The following TRAF2 variants were observed in gnomAD, a reference collection of about 807,000 sequenced individuals.
TRAF2 encodes TNF receptor associated factor 2.
TRAF2 carries 6 observed loss-of-function variants against 55.6 expected under a neutral mutation model. The observed-to-expected ratio is 0.11, with a 90% CI of 0.06 to 0.21. The LOEUF (loss-of-function observed/expected upper bound fraction) is 0.21, where lower values mean the gene tolerates loss of function less well. Among genes scored for constraint, TRAF2 ranks in the 10% least tolerant of loss-of-function variants. The pLI is 1.00. For synonymous variants in TRAF2, 329 were observed against 276.3 expected, an observed-to-expected ratio of 1.19 and a Z score of -1.89; for missense variants, 561 against 684.5, an observed-to-expected ratio of 0.82 and a Z score of 2.01.
chr9:136,882,140 T>C, upstream of TRAF2: 2 of 757,618 alleles, frequency 2.6e-6, no homozygotes, highest in Non-Finnish European at 3.2e-6. Flanking sequence ...ATGTGCAAGC[T>C]GGGCTCTGTC....
Position 136,923,943 on chromosome 9 carries a change from C to T in TRAF2, c.1230C>T (p.Phe410=), listed in dbSNP as rs1466008151. 3 of 1,613,924 alleles carry T rather than the reference C, an allele frequency of 1.9e-6. No individual in the cohort carries two copies. Among genetic ancestry groups the T allele is most frequent in the Admixed American group, 3.3e-5 (2 of 60,004 alleles). The change falls in exon 10 of 11, where the codon TTC becomes TTT. Residue 410 remains phenylalanine (F), a synonymous_variant. Transcript: ENST00000247668. ...GGCGAGGAACACACCTGTCCCTCTT[C>T]TTTGTGGTGATGAAGGGCCCGAATG... ...GTGRGTHLSL[F]FVVMKGPNDA... is the part of the protein sequence containing the mutation.
intron 7 of TRAF2, among the ~76,000 whole-genome samples, chr9:136,917,985 G>A (rs1487610456): frequency 4.6e-5 from 7 of 151,904 alleles, no homozygotes; most frequent in African/African-American, 9.7e-5. Flanking sequence ...CTCGCTTCCC[G>A]TTTGCACAAA....
intron 4 of TRAF2, among the ~76,000 whole-genome samples, chr9:136,903,417 CGGAAAGGCCA>C (rs1314041807): frequency 3.3e-5 from 5 of 152,052 alleles, no homozygotes; most frequent in African/African-American, 1.2e-4. Context: ...GCACGAGCAG[CGGAAAGGCCA>C]GGAAAAGCCA....
rs767051080 is a variant in TRAF2 at position 136,925,822 on chromosome 9, C to T, written c.1427C>T (p.Ser476Phe). ...ASGCPLFCPV[S>F]KMEAKNSYVR... is the part of the protein sequence containing the mutation. ...GGCTGCCCCCTCTTCTGCCCCGTCT[C>T]CAAGATGGAGGCAAAGAATTCCTAC... The change falls in exon 11 of 11, where the codon TCC becomes TTC. Residue 476 changes from serine (S) to phenylalanine (F), a missense_variant. Coordinates refer to ENST00000247668, the MANE Select transcript of TRAF2 (RefSeq NM_021138.4). The T allele has an allele frequency of 1.1e-5, 17 of 1,614,144 alleles. No homozygotes were observed. The highest frequency in any genetic ancestry group is 1.4e-5 in the Non-Finnish European group (16 of 1,180,054).
chr9:136,926,454 C>T lies in TRAF2; in HGVS notation c.*553C>T. 3 of 222,060 alleles carry T rather than the reference C, an allele frequency of 1.4e-5. No individual in the cohort carries two copies. The highest frequency in any genetic ancestry group is 2.7e-5 in the Non-Finnish European group (3 of 112,836). The allele number at this position is 222,060 out of a possible 1,614,324, so 13.8% of individuals were successfully genotyped here. A position where few individuals can be genotyped will look rare whatever the true frequency, so the allele number is the denominator to read the frequency against. On this transcript the variant is annotated 3_prime_UTR_variant, in exon 11 of 11. Coordinates refer to ENST00000247668, the MANE Select transcript of TRAF2 (RefSeq NM_021138.4). ...TGTCTGCACAGAGCTCTGGTCTGTG[C>T]CACCTTGGCCAGGCTGGCTGTGGGA...
In TRAF2 at chr9:136,921,027, G is replaced by A. The variant is rs1267867800; in HGVS notation, c.961-11G>A. ...TCCTGTAAGAGGGAAGGTGGTCTTG[G>A]CACCCGGCAGGTGCAGCAGCTGGAG... is the stretch of plus-strand genomic sequence containing the variant. On this transcript the variant is annotated splice_polypyrimidine_tract_variant and intron_variant, in intron 8 of 10. Coordinates refer to ENST00000247668, the MANE Select transcript of TRAF2 (RefSeq NM_021138.4). 2 of 1,613,224 alleles carry A rather than the reference G, an allele frequency of 1.2e-6. No individual in the cohort carries two copies. The highest frequency in any genetic ancestry group is 4.5e-5 in the East Asian group (2 of 44,864).
chr9:136,904,395 C>G (rs1263079440), intron 4 of TRAF2, among the ~76,000 whole-genome samples: 1 of 151,700 alleles, frequency 6.6e-6, no homozygotes, highest in African/African-American at 2.4e-5. Flanking sequence ...AAAGAACAGT[C>G]TTTTTTATTT....
At position 136,912,467 on chromosome 9, in the gene TRAF2, T is replaced by C. The variant is rs113463701; in HGVS notation, c.603+2473T>C. On this transcript the variant is annotated intron_variant, in intron 6 of 10. Transcript: ENST00000247668. ...GAGCCACTGTGCCTGGCCTCTCTTA[T>C]CTTTTTTTAGTGTTGCAAATCTTGG... 6.4e-4 allele frequency among the ~76,000 whole-genome samples: 98 copies of C among 152,276 alleles called. 1 individual carries two copies. Among genetic ancestry groups the C allele is most frequent in the Admixed American group, 2.0e-3 (31 of 15,284 alleles).
intron 1 of TRAF2, among the ~76,000 whole-genome samples, chr9:136,896,948 C>T (rs1331677341): frequency 2.0e-5 from 3 of 152,126 alleles, no homozygotes; most frequent in East Asian, 1.9e-4. Flanking sequence ...GTGTGCCTGC[C>T]GGGTGACTGC....
chr9:136,904,784 A>AGTTGCTTCATAAAAGCCATAATG (rs1849908268), intron 4 of TRAF2, among the ~76,000 whole-genome samples: 1 of 152,236 alleles, frequency 6.6e-6, no homozygotes, highest in Admixed American at 6.5e-5. Context: ...AAGCCAGAAT[A>AGTTGCTTCATAAAAGCCATAATG]GTTGCTGAGG....
chr9:136,911,917 T>C (rs1471166172), intron 6 of TRAF2, among the ~76,000 whole-genome samples: 3 of 131,060 alleles, frequency 2.3e-5, no homozygotes, highest in Non-Finnish European at 4.7e-5. Flanking sequence ...TGGCGAGATC[T>C]CGGTTCACTG....
upstream of TRAF2, among the ~76,000 whole-genome samples, chr9:136,885,565 C>G (rs1006432074): frequency 2.6e-5 from 4 of 152,184 alleles, no homozygotes; most frequent in Non-Finnish European, 4.4e-5. Flanking sequence ...GTCGGGAGTT[C>G]AAGACCAGCC....
chr9:136,919,470 T>C (rs1850329814), intron 7 of TRAF2, among the ~76,000 whole-genome samples: 1 of 151,750 alleles, frequency 6.6e-6, no homozygotes, highest in Non-Finnish European at 1.5e-5. Context: ...TAATTTTGTA[T>C]TTTTAGTAGA....
chr9:136,912,125 T>C (rs1270913881), intron 6 of TRAF2, among the ~76,000 whole-genome samples: 4 of 149,928 alleles, frequency 2.7e-5, no homozygotes, highest in Non-Finnish European at 5.9e-5. Flanking sequence ...GTGCTGGGAT[T>C]ACAGGCGTGA....
chr9:136,909,065 TAAA>T (rs1310512520), intron 5 of TRAF2, among the ~76,000 whole-genome samples: 3 of 151,796 alleles, frequency 2.0e-5, no homozygotes, highest in African/African-American at 7.3e-5. Context: ...AAAAAATTTT[TAAA>T]AAAAGTTTGT....
At chr9:136,900,702 G>T (rs373201094) in intron 4 of TRAF2, 182 bp downstream of exon 4, 1 of 676,820 alleles carries the variant, frequency 1.5e-6, no homozygotes, top group Non-Finnish European at 2.8e-6. Flanking sequence ...AACTCAAGTA[G>T]TGCAGAGCAC....
At chr9:136,923,430 G>A (rs770670296) in intron 9 of TRAF2, among the ~76,000 whole-genome samples, 21 of 152,168 alleles carry the variant, frequency 1.4e-4, no homozygotes, top group Non-Finnish European at 2.9e-4. Flanking sequence ...GGCCAACATG[G>A]TAAAACCCCA....
chr9:136,918,292 T>G (rs1850296115), intron 7 of TRAF2, among the ~76,000 whole-genome samples: 1 of 148,848 alleles, frequency 6.7e-6, no homozygotes. Flanking sequence ...ATTTTTGAGG[T>G]TGAGTCTTGC....
chr9:136,912,126 A>ACAGG (rs1482016988), intron 6 of TRAF2, among the ~76,000 whole-genome samples: 1 of 142,166 alleles, frequency 7.0e-6, no homozygotes, highest in Non-Finnish European at 1.5e-5. Context: ...TGCTGGGATT[A>ACAGG]CAGGCGTGAG....
Sources: gnomAD v4.1 joint callset for allele counts (sites outside exome capture counted in the v4.1 genomes callset) on GRCh38, gnomAD v4.1.1 for gene constraint, MANE v1.5 for transcripts, NCBI Gene and HGNC (gene_info 2026-07-23, HGNC 2026-07-21) for gene names.